ADGRV1: variants seen among roughly 807,000 people sequenced by gnomAD.
ADGRV1 encodes the protein adhesion G protein-coupled receptor V1, also known as G-protein coupled receptor 98.
ADGRV1 carries 359 observed loss-of-function variants against 596.2 expected under a neutral mutation model. The observed-to-expected ratio is 0.60, with a 90% CI of 0.55 to 0.66. The LOEUF is 0.66. ADGRV1 is among the 30% of genes least tolerant of loss of function. The pLI is 0.00. For synonymous variants in ADGRV1, 2,681 were observed against 2,679.2 expected, an observed-to-expected ratio of 1.00 and a Z score of -0.02; for missense variants, 7,274 against 7,575.6, an observed-to-expected ratio of 0.96 and a Z score of 1.48.
At position 90,815,622 on chromosome 5, in the gene ADGRV1, G is replaced by T; in HGVS notation, c.16082G>T (p.Ser5361Ile). The T allele has an allele frequency of 6.5e-7, 1 of 1,530,700 alleles. No individual in the cohort carries two copies. Among genetic ancestry groups the T allele is most frequent in the Non-Finnish European group, 8.9e-7 (1 of 1,122,784 alleles). The allele number at this position is 1,530,700 out of a possible 1,614,324, so 94.8% of individuals were successfully genotyped here. ...AAFAMVIITG[S>I]DLHNGIIGFS... ...AGCCCTCCATTCTTTTTTTCAGGGA[G>T]TGACCTTCACAATGGCATCATAGGA... Residue 5361 changes from serine to isoleucine, a missense_variant, in exon 75 of 90, where the codon AGT becomes ATT. Coordinates refer to ENST00000405460, the MANE Select transcript of ADGRV1 (RefSeq NM_032119.4).
At chr5:90,815,560 C>A in intron 74 of ADGRV1, 59 bp from the exon 75 acceptor site, 1 of 930,588 alleles carries the variant, frequency 1.1e-6, no homozygotes, top group Non-Finnish European at 1.7e-6. Context: ...ATTAGTGGAG[C>A]ATGGGAGGTC....
At chr5:90,756,736 A>G (rs1755871893) in intron 56 of ADGRV1, 106 bp downstream of exon 56, 3 of 979,932 alleles carry the variant, frequency 3.1e-6, no homozygotes, top group Non-Finnish European at 4.5e-6. Context: ...AAATAGATAA[A>G]TAACCAAATT....
At chr5:90,960,179 G>A (rs2150948122) in intron 83 of ADGRV1, among the ~76,000 whole-genome samples, 1 of 151,092 alleles carries the variant, frequency 6.6e-6, no homozygotes, top group East Asian at 1.9e-4. Flanking sequence ...TGTATGCCTA[G>A]GGTGGTAGGG....
chr5:90,685,577 C>T (rs1342383338), intron 28 of ADGRV1, among the ~76,000 whole-genome samples: 6 of 150,276 alleles, frequency 4.0e-5, no homozygotes, highest in African/African-American at 9.8e-5. Context: ...CTCCAGCCTG[C>T]GTGGTAGAGA....
At chr5:90,674,535 G>C in intron 23 of ADGRV1, 1 of 201,018 alleles carries the variant, frequency 5.0e-6, no homozygotes, top group South Asian at 1.8e-4. Flanking sequence ...ATTATCCTAT[G>C]GTGATTTGTT....
At chr5:91,071,311 T>C (rs1788370240) in intron 85 of ADGRV1, among the ~76,000 whole-genome samples, 1 of 152,150 alleles carries the variant, frequency 6.6e-6, no homozygotes, top group Admixed American at 6.5e-5. Context: ...ATCAGCCCCA[T>C]GGCCATAAAT....
At chr5:90,629,171 G>T in intron 8 of ADGRV1, 39 bp from the exon 9 acceptor site, 1 of 1,185,724 alleles carries the variant, frequency 8.4e-7, no homozygotes, top group Non-Finnish European at 1.1e-6. Context: ...TCTCAGATGC[G>T]AGAATTCTGT....
intron 87 of ADGRV1, among the ~76,000 whole-genome samples, chr5:91,148,570 G>A (rs978683198): frequency 9.2e-5 from 14 of 152,190 alleles, no homozygotes; most frequent in African/African-American, 3.4e-4. Context: ...CTGGACACCC[G>A]GGCAGAAGTT....
chr5:91,149,993 CT>C (rs370542385), intron 87 of ADGRV1, 36 bp from the exon 88 acceptor site: 1 of 1,421,658 alleles, frequency 7.0e-7, no homozygotes, highest in Non-Finnish European at 9.3e-7. Flanking sequence ...TGTTCTTTTT[CT>C]TTTTCTTTTC....
intron 78 of ADGRV1, among the ~76,000 whole-genome samples, chr5:90,844,511 T>C (rs1180581408): frequency 6.6e-6 from 1 of 152,200 alleles, no homozygotes; most frequent in Non-Finnish European, 1.5e-5. Flanking sequence ...GACAGAATAT[T>C]CTATCCCCTG....
At chr5:90,939,454 A>G (rs375235212) in intron 83 of ADGRV1, among the ~76,000 whole-genome samples, 12 of 152,346 alleles carry the variant, frequency 7.9e-5, no homozygotes, top group African/African-American at 2.9e-4. Context: ...ACTGAAGGTC[A>G]GGAAATGTGA....
At chr5:90,680,518 C>T (rs1224376666) in intron 26 of ADGRV1, among the ~76,000 whole-genome samples, 2 of 151,980 alleles carry the variant, frequency 1.3e-5, no homozygotes, top group African/African-American at 4.8e-5. Flanking sequence ...ATATTTTTTT[C>T]ATATATGAAA....
chr5:90,653,167 C>G (rs1315571055), intron 19 of ADGRV1, 42 bp from the exon 20 acceptor site: 1 of 1,504,688 alleles, frequency 6.6e-7, no homozygotes, highest in Non-Finnish European at 8.9e-7. Flanking sequence ...CTAGAAAGTA[C>G]TTGAAATTCT....
At chr5:90,859,202 T>A (rs2366933) in intron 82 of ADGRV1, among the ~76,000 whole-genome samples, 3,226 of 152,150 alleles carry the variant, frequency 0.021, 101 homozygotes, top group African/African-American at 0.073. Flanking sequence ...CTCTAAAACT[T>A]CTGGCCTCAA....
At chr5:91,142,287 A>T (rs935345722) in intron 87 of ADGRV1, among the ~76,000 whole-genome samples, 1 of 152,176 alleles carries the variant, frequency 6.6e-6, no homozygotes, top group African/African-American at 2.4e-5. Flanking sequence ...AAAATAAATA[A>T]ATAAAACAGT....
chr5:90,862,794 A>T (rs1335156057), intron 82 of ADGRV1, among the ~76,000 whole-genome samples: 1 of 150,742 alleles, frequency 6.6e-6, no homozygotes, highest in East Asian at 2.0e-4. Flanking sequence ...TGGTTTCTCA[A>T]AAAGAAGTTA....
intron 83 of ADGRV1, among the ~76,000 whole-genome samples, chr5:90,941,419 A>C (rs1003722526): frequency 2.6e-5 from 4 of 152,232 alleles, no homozygotes; most frequent in Non-Finnish European, 5.9e-5. Context: ...AGAATGAGTT[A>C]AATTGAGTGG....
intron 50 of ADGRV1, 143 bp downstream of exon 50, chr5:90,729,907 C>T (rs1752323384): frequency 2.5e-6 from 2 of 786,302 alleles, no homozygotes; most frequent in Non-Finnish European, 4.0e-6. Context: ...AGCTGTGTTG[C>T]CCAGGCTGGA....
At chr5:90,584,504 G>A (rs545277116) in intron 1 of ADGRV1, among the ~76,000 whole-genome samples, 1 of 152,356 alleles carries the variant, frequency 6.6e-6, no homozygotes, top group Non-Finnish European at 1.5e-5. Flanking sequence ...AATTTGGGTA[G>A]AGCTTGGTGG....
Sources: allele counts gnomAD v4.1 joint callset (sites outside exome capture counted in the v4.1 genomes callset), GRCh38; gene constraint gnomAD v4.1.1; transcripts MANE v1.5; gene names NCBI Gene and HGNC (gene_info 2026-07-23, HGNC 2026-07-21).